PREX1: variants seen among roughly 807,000 people sequenced by gnomAD.
PREX1 encodes the protein phosphatidylinositol 3,4,5-trisphosphate-dependent Rac exchanger 1 protein.
In PREX1, 41 loss-of-function variants were observed where a neutral mutation model predicts 198.3. The ratio of observed to expected loss-of-function variants is 0.21; its 90% CI spans 0.16 to 0.27. The LOEUF (loss-of-function observed/expected upper bound fraction) is 0.27, where lower values mean the gene tolerates loss of function less well. Ranked by LOEUF, PREX1 falls within the 10% of genes least tolerant of loss-of-function variation. The probability of loss-of-function intolerance (pLI) is 1.00; values close to 1 mark genes in which losing one functional copy is unlikely to be tolerated. For synonymous variants in PREX1, 843 were observed against 887.2 expected (o/e 0.95, Z 0.89); for missense variants, 1,620 against 2,200.7 (o/e 0.74, Z 5.28).
At chr20:48,686,632 G>A (rs2089786470) in intron 10 of PREX1, among the ~76,000 whole-genome samples, 1 of 152,142 alleles carries the variant, frequency 6.6e-6, no homozygotes, top group Middle Eastern at 3.2e-3. Context: ...GGAGTTGGCT[G>A]AAAAGGCCAG....
At chr20:48,678,487 A>AGAT (rs2071549664) in intron 13 of PREX1, among the ~76,000 whole-genome samples, 1 of 151,510 alleles carries the variant, frequency 6.6e-6, no homozygotes, top group Non-Finnish European at 1.5e-5. Context: ...AAAAAGAAGA[A>AGAT]GAAAATTAAA....
At chr20:48,809,868 C>G (rs1459503699) in intron 1 of PREX1, among the ~76,000 whole-genome samples, 1 of 152,176 alleles carries the variant, frequency 6.6e-6, no homozygotes, top group East Asian at 1.9e-4. Context: ...TGTTTAATAG[C>G]TGATGTTGCA....
chr20:48,706,951 A>C (rs2089906419), intron 6 of PREX1, among the ~76,000 whole-genome samples: 1 of 152,068 alleles, frequency 6.6e-6, no homozygotes, highest in African/African-American at 2.4e-5. Context: ...TCAGAACATC[A>C]CCTGTCCAAG....
intron 18 of PREX1, among the ~76,000 whole-genome samples, chr20:48,655,666 C>T (rs953713792): frequency 6.6e-6 from 1 of 152,182 alleles, no homozygotes; most frequent in African/African-American, 2.4e-5. Context: ...CCATCATTCT[C>T]CTGTCCTAAG....
At chr20:48,662,817 T>C (rs1248690452) in intron 15 of PREX1, among the ~76,000 whole-genome samples, 1 of 152,144 alleles carries the variant, frequency 6.6e-6, no homozygotes. Context: ...CGCCCTGCAA[T>C]TTCTCTCCCT....
chr20:48,839,901 G>A, the PREX1 span, among the ~76,000 whole-genome samples: 1 of 152,226 alleles, frequency 6.6e-6, no homozygotes, highest in Non-Finnish European at 1.5e-5. Flanking sequence ...CTGGAGGAGA[G>A]CCAGACTACT....
At chr20:48,750,499 C>A (rs2090129515) in intron 1 of PREX1, among the ~76,000 whole-genome samples, 1 of 152,180 alleles carries the variant, frequency 6.6e-6, no homozygotes, top group Non-Finnish European at 1.5e-5. Context: ...CCACACACCT[C>A]AATATAAATA....
intron 1 of PREX1, among the ~76,000 whole-genome samples, chr20:48,770,700 T>A (rs1326348212): frequency 6.6e-6 from 1 of 151,014 alleles, no homozygotes; most frequent in Non-Finnish European, 1.5e-5. Flanking sequence ...ACAAAGTGAA[T>A]CTCCATCTCA....
chr20:48,687,591 G>A (rs902755536), intron 10 of PREX1, among the ~76,000 whole-genome samples: 5 of 152,170 alleles, frequency 3.3e-5, no homozygotes, highest in Non-Finnish European at 7.3e-5. Context: ...GAAGTTGGGG[G>A]GAGTTTAAGT....
At chr20:48,865,037 G>C in the PREX1 span, among the ~76,000 whole-genome samples, 3 of 122,792 alleles carry the variant, frequency 2.4e-5, no homozygotes, top group Non-Finnish European at 5.8e-5. Context: ...AGGCAGGGTT[G>C]GGGGGGGTCT....
At chr20:48,863,006 T>C in the PREX1 span, among the ~76,000 whole-genome samples, 1 of 151,604 alleles carries the variant, frequency 6.6e-6, no homozygotes, top group Non-Finnish European at 1.5e-5. Context: ...TTATTTTTTC[T>C]TTGTAGAGAT....
chr20:48,807,807 AG>A (rs1343357271), intron 1 of PREX1, among the ~76,000 whole-genome samples: 7 of 152,130 alleles, frequency 4.6e-5, no homozygotes, highest in Non-Finnish European at 4.4e-5. Context: ...GTTGACTGAT[AG>A]GGTTTCTCAG....
chr20:48,702,940 G>C (rs1184129734), intron 6 of PREX1, among the ~76,000 whole-genome samples: 1 of 152,216 alleles, frequency 6.6e-6, no homozygotes. Flanking sequence ...AGATTACACT[G>C]AACAAAGAAA....
the PREX1 span, among the ~76,000 whole-genome samples, chr20:48,864,635 C>T: frequency 7.2e-5 from 11 of 152,300 alleles, no homozygotes; most frequent in East Asian, 5.8e-4. Flanking sequence ...ATGGCTCTCC[C>T]GTCTATGCAC....
chr20:48,854,080 C>T, the PREX1 span, among the ~76,000 whole-genome samples: 1 of 152,242 alleles, frequency 6.6e-6, no homozygotes, highest in Non-Finnish European at 1.5e-5. Flanking sequence ...CAGTGCTAAT[C>T]TCCAACTCTC....
chr20:48,822,050 T>A (rs1217530994), intron 1 of PREX1: 1 of 152,100 alleles, frequency 6.6e-6, no homozygotes, highest in African/African-American at 2.4e-5. Context: ...AGAAAAGCAG[T>A]CTCATATCTT....
intron 5 of PREX1, among the ~76,000 whole-genome samples, chr20:48,723,291 G>A (rs1392197676): frequency 6.6e-6 from 1 of 152,220 alleles, no homozygotes; most frequent in Admixed American, 6.5e-5. Flanking sequence ...CAGAGGGGGT[G>A]GGCTGGGGGG....
chr20:48,704,993 G>A (rs2089896285), intron 6 of PREX1, among the ~76,000 whole-genome samples: 1 of 152,186 alleles, frequency 6.6e-6, no homozygotes, highest in South Asian at 2.1e-4. Flanking sequence ...CAAAGCTCTT[G>A]GATACTTTTT....
In PREX1 at chr20:48,791,430, T is replaced by C. The variant is rs185394068; in HGVS notation, c.219+36212A>G. On this transcript the variant is annotated intron_variant, in intron 1 of 39. Transcript: ENST00000371941. ...GGGAAACCAAGGCACAGAGGTCAAG[T>C]CATTTGCCCCAAGGTCACCCTGCTG... Among the ~76,000 whole-genome samples, 157 of 152,284 alleles carry C rather than the reference T, an allele frequency of 1.0e-3. 1 individual carries two copies. The highest frequency in any genetic ancestry group is 1.7e-3 in the Non-Finnish European group (113 of 68,020).
Sources: allele counts gnomAD v4.1 joint callset (sites outside exome capture counted in the v4.1 genomes callset), GRCh38; gene constraint gnomAD v4.1.1; transcripts MANE v1.5; gene names NCBI Gene and HGNC (gene_info 2026-07-23, HGNC 2026-07-21).